The following AGO1 variants were observed in gnomAD, a reference collection of about 807,000 sequenced individuals.
AGO1 encodes the protein argonaute RISC component 1.
In AGO1, 11 loss-of-function variants were observed where a neutral mutation model predicts 109.2. The ratio of observed to expected loss-of-function variants is 0.10; its 90% CI spans 0.06 to 0.17. AGO1 has a LOEUF of 0.17. AGO1 is among the 10% of genes least tolerant of loss of function. The pLI is 1.00. For synonymous variants in AGO1, 422 were observed against 418.6 expected (o/e 1.01, Z -0.10); for missense variants, 574 against 1,140.3 (o/e 0.50, Z 7.15).
intron 8 of AGO1, among the ~76,000 whole-genome samples, chr1:35,898,632 T>A (rs1253170150): frequency 1.3e-5 from 2 of 152,212 alleles, no homozygotes; most frequent in African/African-American, 4.8e-5. Context: ...CAGCAAAGAA[T>A]GACAGTTGTA....
At position 35,901,533 on chromosome 1, in the gene AGO1, G is replaced by A. The variant is rs199616208; in HGVS notation, c.1080G>A (p.Ser360=). Reference sequence around the variant, plus strand: ...AAAAGCTGACCGACAACCAGACCTCGACCATGATAAAGGCCACAGCTAGAT... The same window carrying A: ...AAAAGCTGACCGACAACCAGACCTCAACCATGATAAAGGCCACAGCTAGAT... ...CIKKLTDNQT[S]TMIKATARSA... Residue 360 remains serine, a synonymous_variant, in exon 9 of 19, where the codon TCG becomes TCA. Coordinates refer to ENST00000373204, the MANE Select transcript of AGO1 (RefSeq NM_012199.5). This position sits in a 1 kb window ranked among gnomAD's most constrained non-coding sequence, Gnocchi z 4.8. 1.3e-4 allele frequency: 216 copies of A among 1,614,082 alleles called. No individual in the cohort carries two copies. The highest frequency in any genetic ancestry group is 1.8e-4 in the Non-Finnish European group (211 of 1,180,020).
At position 35,916,359 on chromosome 1, in the gene AGO1, C is replaced by T. The variant is rs555889566; in HGVS notation, c.2028+817C>T. Among the ~76,000 whole-genome samples, 69 of 152,136 alleles carry T rather than the reference C, an allele frequency of 4.5e-4. No individual in the cohort carries two copies. The Middle Eastern group carries it at 0.01, about 22-fold the overall frequency. On this transcript the variant is annotated intron_variant, in intron 15 of 18. Transcript: ENST00000373204. ...ATAGTTTATGCTCTTAACTGTTATGCCCAGTTTCTTTTTTTCTTTTTTTTG... is the reference window on the plus strand; with the variant it reads ...ATAGTTTATGCTCTTAACTGTTATGTCCAGTTTCTTTTTTTCTTTTTTTTG...
chr1:35,876,133 G>C, intron 1 of AGO1, among the ~76,000 whole-genome samples: 1 of 152,214 alleles, frequency 6.6e-6, no homozygotes, highest in Non-Finnish European at 1.5e-5. Flanking sequence ...GACATCAGTG[G>C]AGGAGATAAT....
In AGO1 at chr1:35,893,877, C is replaced by T. The variant is rs1293925687; in HGVS notation, c.649+67C>T. ...AGTGACCACACTCCCAGCCTCATCC[C>T]TCCCAGCTCTGCAACCACACTCCTA... On this transcript the variant is annotated intron_variant, in intron 5 of 18. Transcript: ENST00000373204. This position sits in a 1 kb window ranked among gnomAD's most constrained non-coding sequence, Gnocchi z 5.6. 6.4e-7 allele frequency: 1 copy of T among 1,562,970 alleles called. No individual in the cohort carries two copies. The highest frequency in any genetic ancestry group is 8.7e-7 in the Non-Finnish European group (1 of 1,150,102).
chr1:35,910,717 T>C (rs1645617809), intron 12 of AGO1, among the ~76,000 whole-genome samples: 1 of 152,232 alleles, frequency 6.6e-6, no homozygotes, highest in Non-Finnish European at 1.5e-5. Context: ...CATTTCCATC[T>C]ATCCATTCTG....
chr1:35,897,020 A>T (rs1424656570), intron 8 of AGO1, among the ~76,000 whole-genome samples: 1 of 152,192 alleles, frequency 6.6e-6, no homozygotes, highest in Non-Finnish European at 1.5e-5. Flanking sequence ...TATTTAACAT[A>T]TATTTATCGA....
Position 35,922,335 on chromosome 1 carries a change from C to T in AGO1, c.*2728C>T, listed in dbSNP as rs772382251. On this transcript the variant is annotated 3_prime_UTR_variant, in exon 19 of 19. Transcript: ENST00000373204. Reference sequence around the variant, plus strand: ...AATTTTTGAGACTTGAAAAATACCCCGACCTTGAGATTATTCCTGTTTGAA... The same window carrying T: ...AATTTTTGAGACTTGAAAAATACCCTGACCTTGAGATTATTCCTGTTTGAA... 1 of 152,350 alleles carries T rather than the reference C, an allele frequency of 6.6e-6. No homozygotes were observed. Among genetic ancestry groups the T allele is most frequent in the East Asian group, 1.9e-4 (1 of 5,194 alleles). 9.4% of individuals were successfully genotyped at this position (152,350 alleles called of 1,614,324 possible).
Position 35,901,333 on chromosome 1 carries a change from G to A in AGO1, c.1021-141G>A. ...TTTACCTATCAAATGATACTCAGGA[G>A]GAGAATACATGTATGCACAACGGAT... On this transcript the variant is annotated intron_variant, in intron 8 of 18. Coordinates refer to ENST00000373204, the MANE Select transcript of AGO1 (RefSeq NM_012199.5). This position sits in a 1 kb window ranked among gnomAD's most constrained non-coding sequence, Gnocchi z 4.8. 1 of 984,088 alleles carries A rather than the reference G, an allele frequency of 1.0e-6. No individual in the cohort carries two copies. The highest frequency in any genetic ancestry group is 1.5e-6 in the Non-Finnish European group (1 of 654,488). 61.0% of individuals were successfully genotyped at this position (984,088 alleles called of 1,614,324 possible). A position where few individuals can be genotyped will look rare whatever the true frequency, so the allele number is the denominator to read the frequency against.
At chr1:35,890,495 A>G (rs561428675) in intron 2 of AGO1, among the ~76,000 whole-genome samples, 2 of 152,324 alleles carry the variant, frequency 1.3e-5, no homozygotes, top group African/African-American at 2.4e-5. Context: ...ACCGGCACAT[A>G]TGGATCTGCC....
rs145287006 is a variant in AGO1, at chr1:35,905,958, A to G, written c.1398-977A>G. Among the ~76,000 whole-genome samples, 614 of 152,336 alleles carry G rather than the reference A, an allele frequency of 4.0e-3. 11 individuals carry two copies. Among genetic ancestry groups the G allele is most frequent in the East Asian group, 0.018 (96 of 5,190 alleles). On this transcript the variant is annotated intron_variant, in intron 11 of 18. Transcript: ENST00000373204. The stretch of plus-strand genomic sequence containing the variant: ...ACTATCACATTGCTTTTTGTATGCT[A>G]TATAATAATAACATCTCCTAAACAG...
chr1:35,872,252 C>T (rs1334061825), intron 1 of AGO1, among the ~76,000 whole-genome samples: 1 of 144,476 alleles, frequency 6.9e-6, no homozygotes, highest in African/African-American at 2.6e-5. Flanking sequence ...GTGGCATGAT[C>T]TCGGCTCACT....
chr1:35,896,451 C>T (rs1645321414), intron 8 of AGO1, among the ~76,000 whole-genome samples: 1 of 151,974 alleles, frequency 6.6e-6, no homozygotes, highest in South Asian at 2.1e-4. Context: ...CCTCCTCAGC[C>T]TCCCAGGTTC....
chr1:35,887,859 T>C (rs1368394796), intron 1 of AGO1, among the ~76,000 whole-genome samples: 1 of 152,110 alleles, frequency 6.6e-6, no homozygotes, highest in Non-Finnish European at 1.5e-5. Context: ...CTTTGAGCCT[T>C]TTCTCCTTTT....
At chr1:35,904,515 A>G (rs956728924) in intron 11 of AGO1, among the ~76,000 whole-genome samples, 5 of 152,134 alleles carry the variant, frequency 3.3e-5, no homozygotes, top group East Asian at 3.9e-4. Context: ...TCTATTCTCT[A>G]TGTGCTCTTG....
intron 1 of AGO1, among the ~76,000 whole-genome samples, chr1:35,884,624 T>TAA (rs967364836): frequency 1.3e-5 from 2 of 152,206 alleles, no homozygotes; most frequent in African/African-American, 4.8e-5. Flanking sequence ...AGCCAAGATC[T>TAA]AAACCCTACA....
At position 35,926,514 on chromosome 1, in the gene AGO1, C is replaced by G. The variant is rs920968850; in HGVS notation, c.*6907C>G. 1.3e-5 allele frequency: 2 copies of G among 152,106 alleles called. No homozygotes were observed. Among genetic ancestry groups the G allele is most frequent in the African/African-American group, 4.8e-5 (2 of 41,406 alleles). 9.4% of individuals were successfully genotyped at this position (152,106 alleles called of 1,614,324 possible). Reference sequence around the variant, plus strand: ...TGGCAATTAGGATTTGGTGGCTAAACGAAAGAGTTAGTGCAAGGAAAAGCC... The same window carrying G: ...TGGCAATTAGGATTTGGTGGCTAAAGGAAAGAGTTAGTGCAAGGAAAAGCC... On this transcript the variant is annotated 3_prime_UTR_variant, in exon 19 of 19. Transcript: ENST00000373204.
At chr1:35,891,533 TTTTTG>T (rs1301099642) in intron 2 of AGO1, among the ~76,000 whole-genome samples, 1 of 152,316 alleles carries the variant, frequency 6.6e-6, no homozygotes, top group South Asian at 2.1e-4. Flanking sequence ...GTTCCTGATT[TTTTTG>T]TTTTGTTTTG....
intron 8 of AGO1, among the ~76,000 whole-genome samples, chr1:35,895,619 T>A (rs573540228): frequency 2.6e-5 from 4 of 152,336 alleles, no homozygotes; most frequent in Admixed American, 6.5e-5. Flanking sequence ...AAGATATAAG[T>A]CTACCTTATT....
Position 35,914,272 on chromosome 1 carries a change from G to A in AGO1, c.1831G>A (p.Ala611Thr), listed in dbSNP as rs756692838. 4.3e-6 allele frequency: 7 copies of A among 1,613,128 alleles called. No individual in the cohort carries two copies. The highest frequency in any genetic ancestry group is 2.2e-5 in the East Asian group (1 of 44,872). ...GGATGGGAAAAAACCTTCTATCACA[G>A]CAGTGAGTGATATTCTGTAGCTGCC... ...AGDGKKPSIT[A>T]VVGSMDAHPS... Residue 611 changes from alanine to threonine, a missense_variant and splice_region_variant, in exon 14 of 19, where the codon GCA becomes ACA. Ala to Thr is a moderately conservative substitution (Grantham distance 58). Around this residue, in one of 8 missense-constraint regions of AGO1, gnomAD observed 68 missense variants for 200.2 expected, o/e 0.34. Transcript: ENST00000373204.
Sources: gnomAD v4.1 joint callset for allele counts (sites outside exome capture counted in the v4.1 genomes callset) on GRCh38, gnomAD v4.1.1 for gene constraint, gnomAD v4.1.1 regional missense constraint, Gnocchi (gnomAD v3.1) non-coding constraint, MANE v1.5 for transcripts, NCBI Gene and HGNC (gene_info 2026-07-23, HGNC 2026-07-21) for gene names.